The following ADAMTS6 variants were observed in gnomAD, a reference collection of about 807,000 sequenced individuals.
ADAMTS6 encodes the protein A disintegrin and metalloproteinase with thrombospondin motifs 6.
Under a neutral mutation model 144.3 loss-of-function variants are expected in ADAMTS6, and 23 were observed. The observed-to-expected ratio is 0.16, with a 90% CI of 0.11 to 0.23. The LOEUF is 0.23. ADAMTS6 is among the 10% of genes least tolerant of loss of function. The pLI is 1.00. For synonymous variants in ADAMTS6, 444 were observed against 457.5 expected (o/e 0.97, Z 0.38); for missense variants, 999 against 1,379.6 (o/e 0.72, Z 4.37).
chr5:65,452,387 G>C (rs1758823871), intron 5 of ADAMTS6, among the ~76,000 whole-genome samples, 171 bp from the exon 6 acceptor site: 1 of 150,362 alleles, frequency 6.7e-6, no homozygotes, highest in Admixed American at 6.6e-5. Context: ...TTTTATACAA[G>C]TCTACCTCAA....
At chr5:65,386,908 A>T (rs769027363) in intron 7 of ADAMTS6, among the ~76,000 whole-genome samples, 3 of 152,220 alleles carry the variant, frequency 2.0e-5, no homozygotes, top group African/African-American at 7.2e-5. Flanking sequence ...TCTTTAATCA[A>T]CATCTTAACA....
chr5:65,383,931 C>T (rs1295796987), intron 7 of ADAMTS6, among the ~76,000 whole-genome samples: 2 of 152,306 alleles, frequency 1.3e-5, no homozygotes, highest in African/African-American at 2.4e-5. Flanking sequence ...TGAACACCAG[C>T]GTGATCTACC....
At chr5:65,339,455 CA>C (rs538468970) in intron 7 of ADAMTS6, among the ~76,000 whole-genome samples, 1,911 of 108,522 alleles carry the variant, frequency 0.018, 27 homozygotes, top group African/African-American at 0.045. Flanking sequence ...ATAAAAAAAG[CA>C]AAAAAAAAAA....
intron 14 of ADAMTS6, 152 bp downstream of exon 14, chr5:65,260,448 G>A: frequency 3.3e-6 from 2 of 615,182 alleles, no homozygotes; most frequent in South Asian, 4.3e-5. Flanking sequence ...TGATGGAGCT[G>A]AGGCCAGCTC....
intron 7 of ADAMTS6, among the ~76,000 whole-genome samples, chr5:65,435,873 G>A (rs1210898986): frequency 5.9e-5 from 9 of 151,962 alleles, no homozygotes; most frequent in Admixed American, 1.3e-4. Flanking sequence ...TGATCCACCC[G>A]CCTCGGCCTT....
At chr5:65,259,727 C>T (rs1761006593) in intron 14 of ADAMTS6, among the ~76,000 whole-genome samples, 1 of 151,956 alleles carries the variant, frequency 6.6e-6, no homozygotes, top group Admixed American at 6.6e-5. Context: ...AAATAACTAG[C>T]ATGGTTTTTT....
rs1307276530 is a variant in ADAMTS6 at position 65,273,357 on chromosome 5, C to T, written c.1603G>A (p.Gly535Arg). 7.4e-6 allele frequency: 12 copies of T among 1,613,364 alleles called. No individual in the cohort carries two copies. The highest frequency in any genetic ancestry group is 4.4e-5 in the South Asian group (4 of 91,034). The change falls in exon 12 of 25, where the codon GGG becomes AGG. Residue 535 changes from glycine (G) to arginine (R), a missense_variant. Coordinates refer to ENST00000381055, the MANE Select transcript of ADAMTS6 (RefSeq NM_197941.4). ...GAGCTTACCCCTTTTTCAATATTCC[C>T]AGTTTGACACAGTGTCCCCTCAGCT... Reference protein sequence around the residue: ...PAAEGTLCQTGNIEKGWCYQG... With the variant: ...PAAEGTLCQTRNIEKGWCYQG...
At chr5:65,280,860 T>A (rs1423024732) in intron 11 of ADAMTS6, among the ~76,000 whole-genome samples, 1 of 152,152 alleles carries the variant, frequency 6.6e-6, no homozygotes, top group Non-Finnish European at 1.5e-5. Context: ...AGAGGAGAAG[T>A]CAGTTCAATC....
Position 65,441,327 on chromosome 5 carries a change from A to T in ADAMTS6, c.1073+10148T>A, listed in dbSNP as rs768591808. ...GAGACTTTAAAATCATAAGCAGACC[A>T]TACGTGAGTTGCCTTCAAGCAACCA... is the stretch of plus-strand genomic sequence containing the variant. On this transcript the variant is annotated intron_variant, in intron 7 of 24. Coordinates refer to ENST00000381055, the MANE Select transcript of ADAMTS6 (RefSeq NM_197941.4). Among the ~76,000 whole-genome samples the T allele has an allele frequency of 2.6e-4, 40 of 152,210 alleles. 1 individual carries two copies. The highest frequency in any genetic ancestry group is 5.9e-5 in the Non-Finnish European group (4 of 68,036).
chr5:65,337,989 C>G (rs1747465268), intron 7 of ADAMTS6, among the ~76,000 whole-genome samples: 1 of 152,184 alleles, frequency 6.6e-6, no homozygotes, highest in African/African-American at 2.4e-5. Context: ...AAAAATCAGT[C>G]ACTACTAAAT....
chr5:65,159,679 T>C (rs1273440987), intron 24 of ADAMTS6, among the ~76,000 whole-genome samples: 4 of 152,232 alleles, frequency 2.6e-5, no homozygotes, highest in Non-Finnish European at 5.9e-5. Flanking sequence ...ATTGTCAAAA[T>C]TATTTGTATG....
At chr5:65,248,434 G>C (rs1759831500) in intron 14 of ADAMTS6, among the ~76,000 whole-genome samples, 1 of 152,046 alleles carries the variant, frequency 6.6e-6, no homozygotes, top group Non-Finnish European at 1.5e-5. Flanking sequence ...ACTTGTATAT[G>C]CCTTAAATAG....
Position 65,214,951 on chromosome 5 carries a change from G to A in ADAMTS6, c.2437-19C>T. ...GCAGAACCTGCCATTGAAAACAACT[G>A]GTGAAGACAATTAAAATACAATGAG... On this transcript the variant is annotated intron_variant, in intron 19 of 24. Transcript: ENST00000381055. The surrounding 1 kb of genome is among the most constrained non-coding windows in gnomAD (Gnocchi z 4.6). 6.2e-7 allele frequency: 1 copy of A among 1,603,720 alleles called. No individual in the cohort carries two copies. The highest frequency in any genetic ancestry group is 1.3e-5 in the African/African-American group (1 of 74,402).
At position 65,149,583 on chromosome 5, in the gene ADAMTS6, G is replaced by T. The variant is rs1423229893; in HGVS notation, c.*2253C>A. On this transcript the variant is annotated 3_prime_UTR_variant, in exon 25 of 25. Transcript: ENST00000381055. ...TGCCTGGGGGATGGCCCTCACAATG[G>T]TAGTTTCCAGGTGAGGTAAAAAATA... The T allele has an allele frequency of 2.0e-5, 3 of 152,594 alleles. No homozygotes were observed. Among genetic ancestry groups the T allele is most frequent in the African/African-American group, 7.2e-5 (3 of 41,438 alleles). The allele number at this position is 152,594 out of a possible 1,614,324, so 9.5% of individuals were successfully genotyped here.
At chr5:65,431,551 A>G (rs1757000253) in intron 7 of ADAMTS6, among the ~76,000 whole-genome samples, 1 of 152,206 alleles carries the variant, frequency 6.6e-6, no homozygotes, top group South Asian at 2.1e-4. Flanking sequence ...CAAGCAAACA[A>G]AAAATACCAA....
At chr5:65,188,337 A>C in intron 21 of ADAMTS6, 117 bp from the exon 22 acceptor site, 2 of 925,984 alleles carry the variant, frequency 2.2e-6, no homozygotes, top group Non-Finnish European at 3.3e-6. Context: ...AATGTTGGTT[A>C]ATAAGACAAA....
chr5:65,287,738 C>A (rs1580301499), intron 11 of ADAMTS6, among the ~76,000 whole-genome samples: 1 of 152,234 alleles, frequency 6.6e-6, no homozygotes, highest in East Asian at 1.9e-4. Flanking sequence ...CCACGTTGGT[C>A]AGGCTGGTCT....
At chr5:65,228,276 T>G (rs180735589) in intron 15 of ADAMTS6, among the ~76,000 whole-genome samples, 4 of 152,340 alleles carry the variant, frequency 2.6e-5, no homozygotes, top group Admixed American at 2.6e-4. Context: ...TTCTGTTTAT[T>G]CAATTTTAAC....
intron 7 of ADAMTS6, among the ~76,000 whole-genome samples, chr5:65,411,077 A>G (rs1485199480): frequency 2.0e-5 from 3 of 152,210 alleles, no homozygotes; most frequent in East Asian, 1.9e-4. Context: ...GGCTCAAGTG[A>G]TCCTCCCACC....
Sources: allele counts gnomAD v4.1 joint callset (sites outside exome capture counted in the v4.1 genomes callset), GRCh38; gene constraint gnomAD v4.1.1; non-coding constraint Gnocchi (gnomAD v3.1); transcripts MANE v1.5; gene names NCBI Gene and HGNC (gene_info 2026-07-23, HGNC 2026-07-21).